The following TRAFD1 variants were observed in gnomAD, a reference collection of about 807,000 sequenced individuals.
TRAFD1 encodes the protein TRAF-type zinc finger domain containing 1, also known as TRAF-type zinc finger domain-containing protein 1.
A neutral mutation model predicts 65.3 loss-of-function variants in TRAFD1; 38 were observed. The ratio of observed to expected loss-of-function variants is 0.58; its 90% confidence interval spans 0.45 to 0.76. The LOEUF (loss-of-function observed/expected upper bound fraction) is 0.76, where lower values mean the gene tolerates loss of function less well. Among genes scored for constraint, TRAFD1 ranks in the 30% least tolerant of loss-of-function variants. TRAFD1 has a pLI of 0.00. For synonymous variants in TRAFD1, 223 were observed against 257.2 expected (o/e 0.87, Z 1.27); for missense variants, 631 against 712.6 (o/e 0.89, Z 1.30).
intron 2 of TRAFD1, 142 bp from the exon 3 acceptor site, chr12:112,134,596 A>G (rs2079586123): frequency 3.7e-5 from 36 of 975,022 alleles, no homozygotes; most frequent in Non-Finnish European, 5.3e-5. Context: ...AATAGTCATG[A>G]GTTTGTAGGC....
intron 4 of TRAFD1, among the ~76,000 whole-genome samples, chr12:112,140,612 A>G (rs2030059407): frequency 6.6e-6 from 1 of 152,070 alleles, no homozygotes; most frequent in Non-Finnish European, 1.5e-5. Flanking sequence ...GGCTCCCTCT[A>G]ATATTTTATT....
rs534284751 is a variant in TRAFD1 at position 112,139,430 on chromosome 12, C to G, written c.238-1389C>G. 6.9e-4 allele frequency among the ~76,000 whole-genome samples: 104 copies of G among 151,188 alleles called. 1 individual carries two copies. Among genetic ancestry groups the G allele is most frequent in the South Asian group, 2.9e-3 (14 of 4,762 alleles). ...AATGCCAATTCAGAAAGTTTTTTTT[C>G]AAAAGCTTTTTTTTTTTGTTTTCCA... On this transcript the variant is annotated intron_variant, in intron 4 of 11. Transcript: ENST00000412615.
At chr12:112,133,073 C>A (rs979832754) in intron 2 of TRAFD1, 1 of 152,162 alleles carries the variant, frequency 6.6e-6, no homozygotes, top group African/African-American at 2.4e-5. Flanking sequence ...CATGTATAAT[C>A]TTTTCATGTT....
Position 112,138,011 on chromosome 12 carries a change from C to T in TRAFD1, c.238-2808C>T, listed in dbSNP as rs373685739. On this transcript the variant is annotated intron_variant, in intron 4 of 11. Coordinates refer to ENST00000412615, the MANE Select transcript of TRAFD1 (RefSeq NM_006700.3). ...ATCCTAGCACTTTGGGAGGCCAAGG[C>T]GAGAGCATTGCTTAAACCAAAGAGT... Among the ~76,000 whole-genome samples, 36 of 152,132 alleles carry T rather than the reference C, an allele frequency of 2.4e-4. No individual in the cohort carries two copies. In the East Asian group the frequency reaches 5.4e-3, roughly 23 times the overall value.
At position 112,148,126 on chromosome 12, in the gene TRAFD1, C is replaced by G; in HGVS notation, c.980C>G (p.Ser327Cys). The change falls in exon 8 of 12, where the codon TCC becomes TGC. Residue 327 changes from serine (S) to cysteine (C), a missense_variant. Ser to Cys is a moderately radical substitution (Grantham distance 112). Transcript: ENST00000412615. Reference sequence around the variant, plus strand: ...CCTTCACTCAATACTGGCAGCTCTTCCCCCAGAGGGGTGGAGGAACCTGAT... The same window carrying G: ...CCTTCACTCAATACTGGCAGCTCTTGCCCCAGAGGGGTGGAGGAACCTGAT... ...ALPSLNTGSS[S>C]PRGVEEPDVI... The G allele has an allele frequency of 6.2e-7, 1 of 1,614,158 alleles. No individual in the cohort carries two copies. The highest frequency in any genetic ancestry group is 8.5e-7 in the Non-Finnish European group (1 of 1,179,992).
chr12:112,140,406 C>G (rs1032811139), intron 4 of TRAFD1, among the ~76,000 whole-genome samples: 5 of 130,464 alleles, frequency 3.8e-5, no homozygotes, highest in Admixed American at 8.7e-5. Context: ...GGCGACAGTG[C>G]GAGACACTGT....
chr12:112,151,923 T>G lies in TRAFD1; in HGVS notation c.1402T>G (p.Ser468Ala). The change falls in exon 10 of 12, where the codon TCA (serine) becomes GCA (alanine). Residue 468 changes from serine to alanine, a missense_variant. Coordinates refer to ENST00000412615, the MANE Select transcript of TRAFD1 (RefSeq NM_006700.3). The stretch of plus-strand genomic sequence containing the variant: ...AGCTACCTATAACCAGCTATCGAGA[T>G]CAACATCAGGCCCCAGACCTGGGTG... ...MTATYNQLSR[S>A]TSGPRPGCQP... 6.2e-7 allele frequency: 1 copy of G among 1,614,116 alleles called. No homozygotes were observed.
At position 112,137,351 on chromosome 12, in the gene TRAFD1, T is replaced by C. The variant is rs1237940724; in HGVS notation, c.237+2285T>C. 6.6e-6 allele frequency among the ~76,000 whole-genome samples: 1 copy of C among 152,232 alleles called. No individual in the cohort carries two copies. Among genetic ancestry groups the C allele is most frequent in the Non-Finnish European group, 1.5e-5 (1 of 68,046 alleles). The stretch of plus-strand genomic sequence containing the variant: ...CCCTTCAAGGAACCACGTGACAGTT[T>C]GTTCAGTTGAGCACAAGTTCCTTGC... On this transcript the variant is annotated intron_variant, in intron 4 of 11. Coordinates refer to ENST00000412615, the MANE Select transcript of TRAFD1 (RefSeq NM_006700.3). The surrounding 1 kb of genome is among the most constrained non-coding windows in gnomAD (Gnocchi z 4.2).
chr12:112,143,834 G>A (rs1008830490), intron 6 of TRAFD1, among the ~76,000 whole-genome samples: 1 of 148,764 alleles, frequency 6.7e-6, no homozygotes, highest in South Asian at 2.2e-4. Flanking sequence ...CAGGCCTCAA[G>A]TGATCCTCCC....
At chr12:112,151,759 A>G (rs763225591) in intron 9 of TRAFD1, 42 bp from the exon 10 acceptor site, 13 of 1,569,744 alleles carry the variant, frequency 8.3e-6, no homozygotes, top group Non-Finnish European at 1.0e-5. Context: ...CTATAGCCAG[A>G]GCAGGCTTTT....
chr12:112,147,882 G>A (rs2030297205), intron 7 of TRAFD1, among the ~76,000 whole-genome samples, 192 bp from the exon 8 acceptor site: 1 of 152,064 alleles, frequency 6.6e-6, no homozygotes, highest in Admixed American at 6.5e-5. Context: ...TCTTGGCCAG[G>A]CTGGTCTTGA....
At chr12:112,143,821 C>T (rs1397592070) in intron 6 of TRAFD1, among the ~76,000 whole-genome samples, 15 of 151,170 alleles carry the variant, frequency 9.9e-5, no homozygotes, top group Admixed American at 9.9e-4. Flanking sequence ...CAGCCTCCGC[C>T]CCCAGGCCTC....
Position 112,141,200 on chromosome 12 carries a change from C to G in TRAFD1, c.619C>G (p.Gln207Glu), listed in dbSNP as rs770479612. 21 of 1,613,978 alleles carry G rather than the reference C, an allele frequency of 1.3e-5. No individual in the cohort carries two copies. In the South Asian group the frequency reaches 2.0e-4, roughly 15 times the overall value. The change falls in exon 5 of 12, where the codon CAG (glutamine) becomes GAG (glutamate). Residue 207 changes from glutamine (Q) to glutamate (E), a missense_variant. Coordinates refer to ENST00000412615, the MANE Select transcript of TRAFD1 (RefSeq NM_006700.3). ...RTTNQRNITAQVSIQNNLFEE... is the reference protein window; with the variant it reads ...RTTNQRNITAEVSIQNNLFEE... Reference sequence around the variant, plus strand: ...TACCAACCAAAGGAACATTACAGCCCAGGTTTCAATTCAGAATAATCTGTG... The same window carrying G: ...TACCAACCAAAGGAACATTACAGCCGAGGTTTCAATTCAGAATAATCTGTG...
At chr12:112,142,364 T>G in intron 6 of TRAFD1, 69 bp downstream of exon 6, 1 of 1,481,048 alleles carries the variant, frequency 6.8e-7, no homozygotes, top group Non-Finnish European at 9.2e-7. Context: ...ATACAATTCT[T>G]ATACAATTGA....
intron 6 of TRAFD1, among the ~76,000 whole-genome samples, chr12:112,143,280 T>C (rs2030142158): frequency 6.6e-6 from 1 of 152,150 alleles, no homozygotes; most frequent in African/African-American, 2.4e-5. Context: ...GGGGTTTCAC[T>C]GTATTAGCCA....
In TRAFD1 at chr12:112,141,127, G is replaced by A. The variant is rs747403771; in HGVS notation, c.546G>A (p.Pro182=). The change falls in exon 5 of 12, where the codon CCG becomes CCA. Residue 182 remains proline (P), a synonymous_variant. Transcript: ENST00000412615. ...CTCTGGACCCACCCATGAGGCTGCC[G>A]CGAAGGCCCCTGAGAGCCTTTGAAT... is the stretch of plus-strand genomic sequence containing the variant. ...IEALDPPMRL[P]RRPLRAFESD... 9 of 1,614,076 alleles carry A rather than the reference G, an allele frequency of 5.6e-6. No homozygotes were observed. The highest frequency in any genetic ancestry group is 4.5e-5 in the East Asian group (2 of 44,902).
At chr12:112,149,217 CAA>C (rs548446168) in intron 8 of TRAFD1, 2 of 128,758 alleles carry the variant, frequency 1.6e-5, no homozygotes, top group East Asian at 2.2e-4. Context: ...GACTCTGTCT[CAA>C]AAAAAAAAGA....
chr12:112,151,858 C>T lies in TRAFD1; in HGVS notation c.1337C>T (p.Thr446Ile), dbSNP rs1438855974. 3.1e-6 allele frequency: 5 copies of T among 1,614,114 alleles called. No individual in the cohort carries two copies. In the Admixed American group the frequency reaches 6.7e-5, roughly 22 times the overall value. The change falls in exon 10 of 12, where the codon ACC becomes ATC. Residue 446 changes from threonine (T) to isoleucine (I), a missense_variant. By Grantham distance (89) the Thr-to-Ile change is moderately conservative (BLOSUM62 -1). Coordinates refer to ENST00000412615, the MANE Select transcript of TRAFD1 (RefSeq NM_006700.3). ...DTKQETANGP[T>I]SCLPPSRPIN... is the part of the protein sequence containing the mutation. The stretch of plus-strand genomic sequence containing the variant: ...AAGCAGGAAACAGCTAATGGGCCCA[C>T]CTCCTGTCTGCCTCCCAGCCGACCC...
intron 1 of TRAFD1, among the ~76,000 whole-genome samples, chr12:112,127,171 G>C (rs2061952484): frequency 1.3e-5 from 2 of 151,764 alleles, no homozygotes; most frequent in Non-Finnish European, 2.9e-5. Context: ...GGATTTCCCC[G>C]CATTCCCATC....
Sources: allele counts gnomAD v4.1 joint callset (sites outside exome capture counted in the v4.1 genomes callset), GRCh38; gene constraint gnomAD v4.1.1; non-coding constraint Gnocchi (gnomAD v3.1); transcripts MANE v1.5; gene names NCBI Gene and HGNC (gene_info 2026-07-23, HGNC 2026-07-21).